REDIC1: variants seen among roughly 807,000 people sequenced by gnomAD.
REDIC1 encodes regulator of DNA class I crossover intermediates 1.
chr12:39,823,378 G>A, the REDIC1 span, among the ~76,000 whole-genome samples: 106 of 152,232 alleles, frequency 7.0e-4, 1 homozygote, highest in African/African-American at 2.5e-3. Flanking sequence ...AGATACTGAT[G>A]TGGTTTGTCA....
chr12:39,833,411 A>G, the REDIC1 span, among the ~76,000 whole-genome samples: 1 of 152,014 alleles, frequency 6.6e-6, no homozygotes, highest in African/African-American at 2.4e-5. Flanking sequence ...AGAGACCTTC[A>G]ACATTCATTC....
chr12:39,716,814 C>A, the REDIC1 span: 1 of 1,599,798 alleles, frequency 6.3e-7, no homozygotes, highest in Non-Finnish European at 8.5e-7. Context: ...CAACAGACAG[C>A]TGTTTCAGTT....
At chr12:39,864,721 C>A in the REDIC1 span, 2 of 1,599,600 alleles carry the variant, frequency 1.3e-6, no homozygotes, top group Non-Finnish European at 1.7e-6. Flanking sequence ...AAAAAAGTTA[C>A]CAGAGTCATG....
chr12:39,692,044 C>T, the REDIC1 span: 7 of 1,566,928 alleles, frequency 4.5e-6, no homozygotes, highest in East Asian at 2.3e-5. Context: ...TTGGTTTTCT[C>T]CTAGATTCTG....
the REDIC1 span, among the ~76,000 whole-genome samples, chr12:39,812,337 T>TTTTTCTTTCTTTTC: frequency 1.5e-5 from 2 of 135,188 alleles, no homozygotes; most frequent in South Asian, 4.9e-4. Flanking sequence ...ACTAATTTCT[T>TTTTTCTTTCTTTTC]TTTTCTTTTC....
the REDIC1 span, among the ~76,000 whole-genome samples, chr12:39,739,179 A>G: frequency 6.6e-6 from 1 of 152,178 alleles, no homozygotes; most frequent in Non-Finnish European, 1.5e-5. Context: ...ATTGAGTTGC[A>G]GAGTTGCAAT....
chr12:39,641,137 G>A, the REDIC1 span: 12 of 610,868 alleles, frequency 2.0e-5, 1 homozygote, highest in East Asian at 2.9e-5. Context: ...AGCTTGATTA[G>A]CCACGTATTT....
the REDIC1 span, among the ~76,000 whole-genome samples, chr12:39,893,860 A>G: frequency 6.6e-6 from 1 of 152,192 alleles, no homozygotes; most frequent in Non-Finnish European, 1.5e-5. Flanking sequence ...TAAGCTTTCA[A>G]TTTTTGAATT....
chr12:39,867,104 C>G, the REDIC1 span, among the ~76,000 whole-genome samples: 1 of 152,142 alleles, frequency 6.6e-6, no homozygotes, highest in Non-Finnish European at 1.5e-5. Context: ...GATCATACCT[C>G]TCTCCTAAAA....
chr12:39,738,529 C>G, the REDIC1 span, among the ~76,000 whole-genome samples: 1 of 152,128 alleles, frequency 6.6e-6, no homozygotes, highest in Non-Finnish European at 1.5e-5. Flanking sequence ...AATTTGTGAT[C>G]AAAAGTTATG....
At chr12:39,840,138 T>C in the REDIC1 span, among the ~76,000 whole-genome samples, 4 of 152,140 alleles carry the variant, frequency 2.6e-5, no homozygotes, top group South Asian at 6.2e-4. Context: ...TTTAAGCGAT[T>C]TTCCTGCCTC....
the REDIC1 span, among the ~76,000 whole-genome samples, chr12:39,871,485 GA>G: frequency 0.71 from 106,132 of 150,390 alleles, 37,715 homozygotes; most frequent in African/African-American, 0.8. Flanking sequence ...AAAAAGGATA[GA>G]AAAAAAAAAC....
chr12:39,856,197 C>T, the REDIC1 span, among the ~76,000 whole-genome samples: 1 of 152,022 alleles, frequency 6.6e-6, no homozygotes, highest in Non-Finnish European at 1.5e-5. Context: ...GCACCATCTA[C>T]CTTCTCTTAT....
chr12:39,711,574 CATACACATGCATGTGTATATGTGT>C, the REDIC1 span, among the ~76,000 whole-genome samples: 775 of 56,472 alleles, frequency 0.014, 23 homozygotes, highest in Middle Eastern at 0.041. Context: ...TGTATATGTG[CATACACATGCATGTGTATATGTGT>C]ATACACATGC....
At chr12:39,784,797 A>T in the REDIC1 span, among the ~76,000 whole-genome samples, 1 of 152,176 alleles carries the variant, frequency 6.6e-6, no homozygotes, top group Non-Finnish European at 1.5e-5. Context: ...CAACCTATAG[A>T]ATGGGAGAAC....
chr12:39,857,876 C>A, the REDIC1 span, among the ~76,000 whole-genome samples: 2 of 152,172 alleles, frequency 1.3e-5, no homozygotes, highest in African/African-American at 4.8e-5. Context: ...CCCTGAAATG[C>A]TTTTCCTTCA....
the REDIC1 span, among the ~76,000 whole-genome samples, chr12:39,891,702 G>A: frequency 6.6e-6 from 1 of 152,128 alleles, no homozygotes; most frequent in Non-Finnish European, 1.5e-5. Context: ...GTGGCTCAGA[G>A]AAGTTATGAA....
At chr12:39,833,251 G>C in the REDIC1 span, among the ~76,000 whole-genome samples, 1 of 152,096 alleles carries the variant, frequency 6.6e-6, no homozygotes, top group Non-Finnish European at 1.5e-5. Context: ...GATATGGCCT[G>C]CAAAGCTGAA....
At chr12:39,770,877 ACATCCTAGGTT>A in the REDIC1 span, among the ~76,000 whole-genome samples, 1 of 152,126 alleles carries the variant, frequency 6.6e-6, no homozygotes, top group Non-Finnish European at 1.5e-5. Flanking sequence ...TTTGGTATTG[ACATCCTAGGTT>A]CAGATCTAGG....
Sources: allele counts gnomAD v4.1 joint callset (sites outside exome capture counted in the v4.1 genomes callset), GRCh38; gene constraint gnomAD v4.1.1; transcripts MANE v1.5; gene names NCBI Gene and HGNC (gene_info 2026-07-23, HGNC 2026-07-21).